The following HDDC2 variants were observed in gnomAD, a reference collection of about 807,000 sequenced individuals.
HDDC2 encodes the protein HD domain containing 2, also known as 5'-deoxynucleotidase HDDC2.
HDDC2 carries 25 observed loss-of-function variants against 25.5 expected under a neutral mutation model. That is an observed-to-expected ratio of 0.98 (90% CI 0.72 to 1.37). The LOEUF (loss-of-function observed/expected upper bound fraction) is 1.37, where lower values mean the gene tolerates loss of function less well. Ranked by LOEUF, HDDC2 falls within the 40% of genes most tolerant of loss-of-function variation. HDDC2 has a pLI of 0.00. For missense variants in HDDC2, 264 were observed against 253.1 expected, an observed-to-expected ratio of 1.04 and a Z score of -0.29; for synonymous variants, 106 against 89.7, an observed-to-expected ratio of 1.18 and a Z score of -1.03.
intron 3 of HDDC2, chr6:125,297,613 C>G: frequency 1.0e-5 from 4 of 398,522 alleles, no homozygotes; most frequent in Non-Finnish European, 1.8e-5. Flanking sequence ...TCTTTTCCCC[C>G]ACAAGCTCCA....
intron 3 of HDDC2, 59 bp from the exon 4 acceptor site, chr6:125,292,968 T>G (rs1378421644): frequency 1.5e-6 from 2 of 1,313,122 alleles, no homozygotes; most frequent in African/African-American, 2.9e-5. Context: ...TAACAACCAC[T>G]CTGCAACAGA....
At chr6:125,282,818 G>T (rs1798478399) in intron 4 of HDDC2, among the ~76,000 whole-genome samples, 1 of 152,108 alleles carries the variant, frequency 6.6e-6, no homozygotes, top group Non-Finnish European at 1.5e-5. Flanking sequence ...GATGGAGGAA[G>T]ATTTACCAAG....
chr6:125,284,283 C>G (rs1192458205), intron 4 of HDDC2, among the ~76,000 whole-genome samples: 1 of 152,156 alleles, frequency 6.6e-6, no homozygotes, highest in African/African-American at 2.4e-5. Flanking sequence ...ATACCAAAAG[C>G]AATTGCAACA....
At chr6:125,283,626 T>A (rs1030770820) in intron 4 of HDDC2, among the ~76,000 whole-genome samples, 3 of 152,170 alleles carry the variant, frequency 2.0e-5, no homozygotes, top group East Asian at 1.9e-4. Context: ...GAAGGACCTC[T>A]TCAAGGAGAA....
chr6:125,277,126 G>C lies in HDDC2; in HGVS notation c.493C>G (p.Gln165Glu). Residue 165 changes from glutamine to glutamate, a missense_variant, in exon 5 of 6, where the codon CAA becomes GAA. Physicochemically the swap from Gln to Glu is conservative, Grantham distance 29 (BLOSUM62 2). Coordinates refer to ENST00000398153, the MANE Select transcript of HDDC2 (RefSeq NM_016063.3). ...CCTGCTGTGGAATCATAGAAGTCTT[G>C]CAGTCTCCCAGGTTTGTGTTCAAGG... is the stretch of plus-strand genomic sequence containing the variant. ...EDLEHKPGRL[Q>E]DFYDSTAGKF... 6.2e-7 allele frequency: 1 copy of C among 1,614,030 alleles called. No homozygotes were observed. The highest frequency in any genetic ancestry group is 8.5e-7 in the Non-Finnish European group (1 of 1,179,966).
chr6:125,297,445 C>T (rs1327500044), intron 3 of HDDC2: 2 of 397,258 alleles, frequency 5.0e-6, no homozygotes, highest in Non-Finnish European at 8.9e-6. Context: ...GGTTGGAACT[C>T]TTAAACTGGG....
intron 3 of HDDC2, 188 bp from the exon 4 acceptor site, chr6:125,293,097 A>G (rs1037318096): frequency 4.4e-6 from 3 of 677,444 alleles, no homozygotes; most frequent in Middle Eastern, 2.6e-4. Context: ...TAAATAAATA[A>G]GTGTAATCAT....
chr6:125,301,544 C>T (rs1044175335), intron 1 of HDDC2, among the ~76,000 whole-genome samples: 8 of 148,318 alleles, frequency 5.4e-5, no homozygotes, highest in Admixed American at 6.6e-5. Context: ...AAGCTCAGTG[C>T]AGGCAGGGCC....
At chr6:125,294,633 G>A (rs1798680257) in intron 3 of HDDC2, among the ~76,000 whole-genome samples, 1 of 152,166 alleles carries the variant, frequency 6.6e-6, no homozygotes, top group South Asian at 2.1e-4. Context: ...TGTACATACA[G>A]GTATATGAAC....
intron 5 of HDDC2, chr6:125,276,649 A>G: frequency 4.2e-6 from 1 of 238,246 alleles, no homozygotes; most frequent in South Asian, 8.5e-5. Context: ...AAAGACAAGG[A>G]GGAAGATCAG....
Position 125,288,386 on chromosome 6 carries a change from G to A in HDDC2, c.378+4455C>T, listed in dbSNP as rs557131305. Among the ~76,000 whole-genome samples, 7 of 152,204 alleles carry A rather than the reference G, an allele frequency of 4.6e-5. No individual in the cohort carries two copies. In the South Asian group the frequency reaches 6.2e-4, roughly 14 times the overall value. ...GGGCGGCTGTGACCCCAGTCCCCAC[G>A]GCACAGAGTCTCTGAATCAGTGTTT... On this transcript the variant is annotated intron_variant, in intron 4 of 5. Transcript: ENST00000398153.
At chr6:125,276,964 C>T (rs1798379009) in intron 5 of HDDC2, 138 bp downstream of exon 5, 6 of 811,554 alleles carry the variant, frequency 7.4e-6, no homozygotes, top group Middle Eastern at 3.4e-4. Flanking sequence ...CGAATGTTTC[C>T]TTCCCTTTCT....
chr6:125,284,133 C>T (rs552366475), intron 4 of HDDC2, among the ~76,000 whole-genome samples: 1 of 152,260 alleles, frequency 6.6e-6, no homozygotes, highest in East Asian at 1.9e-4. Context: ...AAACTGGACC[C>T]TTTCCTTACA....
intron 3 of HDDC2, among the ~76,000 whole-genome samples, chr6:125,298,440 C>T (rs983788469): frequency 1.3e-5 from 2 of 152,174 alleles, no homozygotes; most frequent in Non-Finnish European, 2.9e-5. Context: ...AAACTCATTA[C>T]GACCTTCCTT....
rs2115097690 is a variant in HDDC2 at position 125,275,781 on chromosome 6, T to C, written c.*365A>G. ...CTGAAGAATCTGTTCTTAAAAGCAA[T>C]CATAATGAAATTTTCTATTATTCAA... On this transcript the variant is annotated 3_prime_UTR_variant, in exon 6 of 6. Coordinates refer to ENST00000398153, the MANE Select transcript of HDDC2 (RefSeq NM_016063.3). The C allele has an allele frequency of 5.3e-6, 1 of 188,028 alleles. No homozygotes were observed. The highest frequency in any genetic ancestry group is 2.3e-5 in the African/African-American group (1 of 42,724). The allele number at this position is 188,028 out of a possible 1,614,324, so 11.6% of individuals were successfully genotyped here. A position where few individuals can be genotyped will look rare whatever the true frequency, so the allele number is the denominator to read the frequency against.
In HDDC2 at chr6:125,283,610, G is replaced by A. The variant is rs189367100; in HGVS notation, c.379-6370C>T. 5.4e-3 allele frequency among the ~76,000 whole-genome samples: 829 copies of A among 152,218 alleles called. 11 individuals carry two copies. The highest frequency in any genetic ancestry group is 0.019 in the African/African-American group (796 of 41,536). On this transcript the variant is annotated intron_variant, in intron 4 of 5. Coordinates refer to ENST00000398153, the MANE Select transcript of HDDC2 (RefSeq NM_016063.3). ...AATACCTAGGAATATAACTTACAAG[G>A]AATGTGAAGGACCTCTTCAAGGAGA...
chr6:125,297,900 T>A (rs73772435), intron 3 of HDDC2, among the ~76,000 whole-genome samples: 2,925 of 152,340 alleles, frequency 0.019, 87 homozygotes, highest in African/African-American at 0.067. Context: ...ATGTTATTCA[T>A]TTCTTTCTAA....
In HDDC2 at chr6:125,279,776, T is replaced by C. The variant is rs766161673; in HGVS notation, c.379-2536A>G. Among the ~76,000 whole-genome samples, 94 of 152,306 alleles carry C rather than the reference T, an allele frequency of 6.2e-4. 1 individual carries two copies. The highest frequency in any genetic ancestry group is 5.0e-4 in the Non-Finnish European group (34 of 68,022). On this transcript the variant is annotated intron_variant, in intron 4 of 5. Transcript: ENST00000398153. The stretch of plus-strand genomic sequence containing the variant: ...AGAAAAGCACAAAGGTCAGATCCTA[T>C]ACAGCTATCCCATAAGATAAAAAGA...
intron 4 of HDDC2, among the ~76,000 whole-genome samples, chr6:125,287,433 T>C (rs1583051769): frequency 6.6e-6 from 1 of 152,202 alleles, no homozygotes; most frequent in East Asian, 1.9e-4. Context: ...ATCTTTCTAA[T>C]AACTCATTAT....
Sources: gnomAD v4.1 joint callset for allele counts (sites outside exome capture counted in the v4.1 genomes callset) on GRCh38, gnomAD v4.1.1 for gene constraint, MANE v1.5 for transcripts, NCBI Gene and HGNC (gene_info 2026-07-23, HGNC 2026-07-21) for gene names.